KPNA1: variants seen among roughly 807,000 people sequenced by gnomAD.
KPNA1 encodes the protein karyopherin subunit alpha 1.
Under a neutral mutation model 70.5 loss-of-function variants are expected in KPNA1, and 10 were observed. The ratio of observed to expected loss-of-function variants is 0.14; its 90% CI spans 0.09 to 0.24. The LOEUF (loss-of-function observed/expected upper bound fraction) is 0.24. Among genes scored for constraint, KPNA1 ranks in the 10% least tolerant of loss-of-function variants. KPNA1 has a pLI of 1.00. For missense variants in KPNA1, 397 were observed against 637.9 expected, an observed-to-expected ratio of 0.62 and a Z score of 4.07; for synonymous variants, 192 against 221.9, an observed-to-expected ratio of 0.87 and a Z score of 1.20.
chr3:122,498,133 CCT>C (rs1258998158), intron 1 of KPNA1, among the ~76,000 whole-genome samples: 3 of 152,238 alleles, frequency 2.0e-5, no homozygotes, highest in Admixed American at 2.0e-4. Flanking sequence ...TGAAAAGACT[CCT>C]CTTTCTCCAC....
chr3:122,449,663 C>A lies in KPNA1; in HGVS notation c.828G>T (p.Trp276Cys). 1.2e-6 allele frequency: 2 copies of A among 1,613,714 alleles called. No homozygotes were observed. The highest frequency in any genetic ancestry group is 1.7e-6 in the Non-Finnish European group (2 of 1,179,826). Residue 276 changes from tryptophan (W) to cysteine (C), a missense_variant, in exon 9 of 14, where the codon TGG becomes TGT. Trp to Cys is a radical substitution (Grantham distance 215). Transcript: ENST00000344337. ...GTCCATCTGATAGATATGAGAGGGCCCAGCAGGCATCAGCCAGTACATCAG... is the reference window on the plus strand; with the variant it reads ...GTCCATCTGATAGATATGAGAGGGCACAGCAGGCATCAGCCAGTACATCAG... ...SDTDVLADAC[W>C]ALSYLSDGPN...
At chr3:122,476,645 A>G (rs2076500611) in intron 2 of KPNA1, among the ~76,000 whole-genome samples, 1 of 152,062 alleles carries the variant, frequency 6.6e-6, no homozygotes, top group South Asian at 2.1e-4. Context: ...AAAATGGCCA[A>G]TAAGTATATG....
At chr3:122,430,515 AGTGTGTGTGTGT>A (rs10662409) in intron 12 of KPNA1, among the ~76,000 whole-genome samples, 18 of 141,382 alleles carry the variant, frequency 1.3e-4, no homozygotes, top group African/African-American at 3.1e-4. Flanking sequence ...CTGTACTACC[AGTGTGTGTGTGT>A]GTGTGTGTGT....
chr3:122,482,707 C>T (rs2076585102), intron 2 of KPNA1, among the ~76,000 whole-genome samples: 1 of 152,014 alleles, frequency 6.6e-6, no homozygotes, highest in South Asian at 2.1e-4. Flanking sequence ...TAACAATGAA[C>T]AACTGAAATC....
chr3:122,467,570 G>A, intron 2 of KPNA1, 141 bp from the exon 3 acceptor site: 1 of 517,440 alleles, frequency 1.9e-6, no homozygotes, highest in Non-Finnish European at 3.4e-6. Flanking sequence ...TTTTACTGAT[G>A]AGTAACCATT....
chr3:122,427,214 A>G, intron 13 of KPNA1, 42 bp from the exon 14 acceptor site: 1 of 1,425,392 alleles, frequency 7.0e-7, no homozygotes, highest in Non-Finnish European at 9.8e-7. Context: ...GAAAACTTCA[A>G]TAAATATTGG....
In KPNA1 at chr3:122,451,603, C is replaced by T. The variant is rs1461057765; in HGVS notation, c.684G>A (p.Met228Ile). The change falls in exon 8 of 14, where the codon ATG becomes ATA. Residue 228 changes from methionine to isoleucine, a missense_variant. By Grantham distance (10) the Met-to-Ile change is conservative. Transcript: ENST00000344337. ...QLFSKQNRLT[M>I]TRNAVWALSN... Reference sequence around the variant, plus strand: ...ACAAAGCCCATACTGCATTCCGGGTCATGGTCAGGCGGTTTTGCTTTGAAA... The same window carrying T: ...ACAAAGCCCATACTGCATTCCGGGTTATGGTCAGGCGGTTTTGCTTTGAAA... 1 of 1,613,830 alleles carries T rather than the reference C, an allele frequency of 6.2e-7. No individual in the cohort carries two copies. The highest frequency in any genetic ancestry group is 1.7e-5 in the Admixed American group (1 of 59,934).
chr3:122,465,108 A>G (rs2076365639), intron 3 of KPNA1, among the ~76,000 whole-genome samples: 2 of 152,156 alleles, frequency 1.3e-5, no homozygotes, highest in South Asian at 4.1e-4. Flanking sequence ...ACATTACACT[A>G]TTTAAGTATT....
intron 6 of KPNA1, among the ~76,000 whole-genome samples, chr3:122,453,643 TCTC>T (rs2076235964): frequency 6.6e-6 from 1 of 152,120 alleles, no homozygotes; most frequent in East Asian, 1.9e-4. Flanking sequence ...TTCAAGCAAT[TCTC>T]CTGCCTCAGC....
At position 122,424,423 on chromosome 3, in the gene KPNA1, T is replaced by C. The variant is rs1436022149; in HGVS notation, c.*2562A>G. On this transcript the variant is annotated 3_prime_UTR_variant, in exon 14 of 14. Coordinates refer to ENST00000344337, the MANE Select transcript of KPNA1 (RefSeq NM_002264.4). ...ACCAAGTTCCAACATATCTGAGTTA[T>C]GCTACTTCACTTTTAGCCAATTCCA... is the stretch of plus-strand genomic sequence containing the variant. 3.9e-5 allele frequency: 6 copies of C among 152,200 alleles called. No individual in the cohort carries two copies. The highest frequency in any genetic ancestry group is 5.9e-5 in the Non-Finnish European group (4 of 68,030). 9.4% of individuals were successfully genotyped at this position (152,200 alleles called of 1,614,324 possible). A position where few individuals can be genotyped will look rare whatever the true frequency, so the allele number is the denominator to read the frequency against.
chr3:122,509,430 A>T (rs1453568592), intron 1 of KPNA1, among the ~76,000 whole-genome samples: 1 of 152,204 alleles, frequency 6.6e-6, no homozygotes, highest in Non-Finnish European at 1.5e-5. Flanking sequence ...GAGTATATAT[A>T]ACACAGGGTA....
chr3:122,452,657 G>A (rs1376275357), intron 6 of KPNA1, among the ~76,000 whole-genome samples: 2 of 120,154 alleles, frequency 1.7e-5, no homozygotes, highest in African/African-American at 3.2e-5. Context: ...GAGGGAGGGA[G>A]GGAGGAAGCA....
At chr3:122,458,714 G>A (rs2076291042) in intron 5 of KPNA1, among the ~76,000 whole-genome samples, 1 of 152,172 alleles carries the variant, frequency 6.6e-6, no homozygotes, top group South Asian at 2.1e-4. Flanking sequence ...TCTCCAAGAA[G>A]GCAGAGGAAG....
intron 2 of KPNA1, among the ~76,000 whole-genome samples, chr3:122,473,065 C>T (rs929684449): frequency 2.0e-5 from 3 of 151,922 alleles, no homozygotes; most frequent in African/African-American, 4.8e-5. Flanking sequence ...TAGGTAACAG[C>T]GAGACTCTGT....
rs777170820 is a variant in KPNA1 at position 122,433,681 on chromosome 3, T to G, written c.1230A>C (p.Gly410=). 2 of 1,609,120 alleles carry G rather than the reference T, an allele frequency of 1.2e-6. No homozygotes were observed. The highest frequency in any genetic ancestry group is 1.7e-6 in the Non-Finnish European group (2 of 1,178,806). Residue 410 remains glycine, a synonymous_variant, in exon 12 of 14, where the codon GGA becomes GGC. Transcript: ENST00000344337. ...AAWAITNATS[G]GSAEQIKYLV... The stretch of plus-strand genomic sequence containing the variant: ...CTTACTTGATCTGTTCAGCTGATCC[T>G]CCAGAAGTTGCATTTGTGATGGCCC...
At chr3:122,501,513 G>T (rs1234752117) in intron 1 of KPNA1, among the ~76,000 whole-genome samples, 1 of 152,030 alleles carries the variant, frequency 6.6e-6, no homozygotes. Context: ...TACACATATT[G>T]GTGAGTTTCT....
At chr3:122,505,966 A>G (rs993491397) in intron 1 of KPNA1, among the ~76,000 whole-genome samples, 3 of 152,366 alleles carry the variant, frequency 2.0e-5, no homozygotes, top group Non-Finnish European at 4.4e-5. Context: ...TATCACTTCA[A>G]TGGATAAGGA....
chr3:122,461,350 AT>A, intron 4 of KPNA1, 32 bp from the exon 5 acceptor site: 1 of 1,468,850 alleles, frequency 6.8e-7, no homozygotes, highest in Non-Finnish European at 9.4e-7. Context: ...GAAAAAAAAA[AT>A]CCTTTGATTT....
intron 5 of KPNA1, among the ~76,000 whole-genome samples, chr3:122,458,966 G>C (rs1407499857): frequency 6.6e-6 from 1 of 152,170 alleles, no homozygotes; most frequent in Non-Finnish European, 1.5e-5. Context: ...GGACAGCTAA[G>C]ACTATCCTCA....
Sources: gnomAD v4.1 joint callset for allele counts (sites outside exome capture counted in the v4.1 genomes callset) on GRCh38, gnomAD v4.1.1 for gene constraint, MANE v1.5 for transcripts, NCBI Gene and HGNC (gene_info 2026-07-23, HGNC 2026-07-21) for gene names.